The following ABCC12 variants were observed in gnomAD, a reference collection of about 807,000 sequenced individuals.
ABCC12 encodes ATP binding cassette subfamily C member 12.
ABCC12 carries 142 observed loss-of-function variants against 151.1 expected under a neutral mutation model. The observed-to-expected ratio is 0.94, with a 90% CI of 0.82 to 1.08. The LOEUF (loss-of-function observed/expected upper bound fraction) is 1.08. ABCC12 is among the 50% of genes least tolerant of loss of function. The probability of loss-of-function intolerance (pLI) is 0.00; values close to 1 mark genes in which losing one functional copy is unlikely to be tolerated. For synonymous variants in ABCC12, 645 were observed against 646.4 expected, an observed-to-expected ratio of 1.00 and a Z score of 0.03; for missense variants, 1,638 against 1,691.1, an observed-to-expected ratio of 0.97 and a Z score of 0.55.
intron 9 of ABCC12, among the ~76,000 whole-genome samples, chr16:48,131,811 A>C (rs1202806198): frequency 6.6e-6 from 1 of 152,186 alleles, no homozygotes; most frequent in South Asian, 2.1e-4. Flanking sequence ...TAGTCCCTTC[A>C]TTAAAAGGAT....
rs1310571401 is a variant in ABCC12, at chr16:48,085,648, G to A, written c.3773C>T (p.Ser1258Leu). Residue 1258 changes from serine to leucine, a missense_variant, in exon 29 of 31, where the codon TCA becomes TTA. Transcript: ENST00000311303. The stretch of plus-strand genomic sequence containing the variant: ...ACAAAGCAGCTGACGTTCCCCTACT[G>A]AGAAGTTTTCTCCATTTTCTGTGAC... Reference protein sequence around the residue: ...AEVTENGENFSVGERQLLCVA... With the variant: ...AEVTENGENFLVGERQLLCVA... The A allele has an allele frequency of 2.5e-6, 4 of 1,614,152 alleles. No individual in the cohort carries two copies. Among genetic ancestry groups the A allele is most frequent in the South Asian group, 1.1e-5 (1 of 91,076 alleles).
Position 48,083,404 on chromosome 16 carries a change from A to G in ABCC12, c.*311T>C, listed in dbSNP as rs1262114269. On this transcript the variant is annotated 3_prime_UTR_variant, in exon 31 of 31. Transcript: ENST00000311303. Reference sequence around the variant, plus strand: ...CTAACTGAAAGTTACAATATTTTCAATCTCAGGCACTGGGGTGGTTTTGGT... The same window carrying G: ...CTAACTGAAAGTTACAATATTTTCAGTCTCAGGCACTGGGGTGGTTTTGGT... 2 of 310,408 alleles carry G rather than the reference A, an allele frequency of 6.4e-6. No homozygotes were observed. The highest frequency in any genetic ancestry group is 1.2e-5 in the Non-Finnish European group (2 of 172,328). 19.2% of individuals were successfully genotyped at this position (310,408 alleles called of 1,614,324 possible). A position where few individuals can be genotyped will look rare whatever the true frequency, so the allele number is the denominator to read the frequency against.
chr16:48,143,562 A>G (rs760924227), intron 4 of ABCC12, among the ~76,000 whole-genome samples: 8 of 152,194 alleles, frequency 5.3e-5, no homozygotes, highest in Non-Finnish European at 1.0e-4. Context: ...CCCAAATCTC[A>G]TCTTGAATTT....
At chr16:48,145,691 G>A (rs180814908) in intron 3 of ABCC12, among the ~76,000 whole-genome samples, 9 of 152,316 alleles carry the variant, frequency 5.9e-5, no homozygotes, top group Admixed American at 2.0e-4. Context: ...GCCTGGGCTA[G>A]CCTGCTGGAG....
chr16:48,108,073 GAGAC>G, intron 19 of ABCC12, among the ~76,000 whole-genome samples: 1 of 152,154 alleles, frequency 6.6e-6, no homozygotes. Context: ...TTGCTGGAGA[GAGAC>G]AGAGAGTGAA....
intron 2 of ABCC12, among the ~76,000 whole-genome samples, chr16:48,149,374 A>G (rs529415361): frequency 1.3e-5 from 2 of 152,236 alleles, no homozygotes; most frequent in South Asian, 4.1e-4. Context: ...TACATTAAAT[A>G]TAAATGGAGT....
chr16:48,130,722 A>G (rs1337832686), intron 10 of ABCC12, 66 bp downstream of exon 10: 3 of 1,319,302 alleles, frequency 2.3e-6, no homozygotes, highest in African/African-American at 1.4e-5. Context: ...CAGCCTCCAC[A>G]TATCTGAGCA....
rs1964780336 is a variant in ABCC12, at chr16:48,140,813, G to A, written c.531C>T (p.Val177=). 1.9e-6 allele frequency: 3 copies of A among 1,614,176 alleles called. No individual in the cohort carries two copies. The highest frequency in any genetic ancestry group is 1.3e-5 in the African/African-American group (1 of 75,052). ...TGGCCCAGGCAAGGGCCCAAAAGAA[G>A]ACTTTGGTAAACTCGGTGGCAAAAA... is the stretch of plus-strand genomic sequence containing the variant. ...IALFATEFTK[V]FFWALAWAIN... Residue 177 remains valine (V), a synonymous_variant, in exon 6 of 31, where the codon GTC becomes GTT. Transcript: ENST00000311303.
At position 48,091,207 on chromosome 16, in the gene ABCC12, C is replaced by A. The variant is rs777397204; in HGVS notation, c.3198G>T (p.Leu1066=). 6.2e-7 allele frequency: 1 copy of A among 1,614,066 alleles called. No homozygotes were observed. The highest frequency in any genetic ancestry group is 1.1e-5 in the South Asian group (1 of 91,084). The stretch of plus-strand genomic sequence containing the variant: ...GCACACACACTTGGAGCAGTCCGCT[C>A]AGCTGTTGAAAAGGAGCGAGCAGCC... ...KGLSLSYIIQ[L]SGLLQVCVRT... Residue 1066 remains leucine (L), a splice_region_variant and synonymous_variant, in exon 25 of 31, where the codon CTG becomes CTT. Transcript: ENST00000311303.
At chr16:48,132,534 T>G (rs1964462990) in intron 9 of ABCC12, among the ~76,000 whole-genome samples, 1 of 152,214 alleles carries the variant, frequency 6.6e-6, no homozygotes, top group Admixed American at 6.5e-5. Context: ...TCTCTCTCAT[T>G]TTTTTGTTGC....
At chr16:48,094,150 T>TGTTCAA (rs1389585780) in intron 24 of ABCC12, among the ~76,000 whole-genome samples, 1 of 152,236 alleles carries the variant, frequency 6.6e-6, no homozygotes, top group African/African-American at 2.4e-5. Flanking sequence ...TAAGGGAAAC[T>TGTTCAA]GTTCAACATC....
At position 48,081,957 on chromosome 16, in the gene ABCC12, T is replaced by C. The variant is rs966897535; in HGVS notation, c.*1758A>G. ...GCCAGCACAGACTGCCCAGTCTGCTTGTCATATTGGGGAAGTTATCTTATG... is the reference window on the plus strand; with the variant it reads ...GCCAGCACAGACTGCCCAGTCTGCTCGTCATATTGGGGAAGTTATCTTATG... On this transcript the variant is annotated 3_prime_UTR_variant, in exon 31 of 31. Coordinates refer to ENST00000311303, the MANE Select transcript of ABCC12 (RefSeq NM_001393797.1). Among the ~76,000 whole-genome samples, 63 of 152,092 alleles carry C rather than the reference T, an allele frequency of 4.1e-4. No individual in the cohort carries two copies. Among genetic ancestry groups the C allele is most frequent in the Non-Finnish European group, 1.2e-4 (8 of 68,018 alleles).
intron 4 of ABCC12, among the ~76,000 whole-genome samples, chr16:48,141,605 T>A (rs1394414748): frequency 6.6e-6 from 1 of 152,162 alleles, no homozygotes; most frequent in Non-Finnish European, 1.5e-5. Flanking sequence ...TTCCTCTGCC[T>A]ACCACCCATC....
chr16:48,110,624 T>G (rs1232252145), intron 18 of ABCC12, among the ~76,000 whole-genome samples: 1 of 152,012 alleles, frequency 6.6e-6, no homozygotes, highest in Non-Finnish European at 1.5e-5. Context: ...ACATCTCGTC[T>G]CCCCACCTCC....
intron 22 of ABCC12, among the ~76,000 whole-genome samples, chr16:48,103,190 T>C (rs948138048): frequency 6.6e-6 from 1 of 152,106 alleles, no homozygotes; most frequent in Admixed American, 6.6e-5. Context: ...CTCTTTCAGA[T>C]CTACAATAAC....
In ABCC12 at chr16:48,133,766, GC is replaced by G; in HGVS notation, c.1048del (p.Ala350ProfsTer7). ...GFVQSGNSALAPIVSTIAIVL... is the reference protein window; with the variant it reads ...GFVQSGNSALXPIVSTIAIVL... Reference sequence around the variant, plus strand: ...GATGGCTATGGTGGACACGATGGGGGCCAGGGCAGAGTTTCCACTTTGGACA... The same window carrying G: ...GATGGCTATGGTGGACACGATGGGGGCAGGGCAGAGTTTCCACTTTGGACA... On this transcript the variant is annotated frameshift_variant, in exon 9 of 31. Coordinates refer to ENST00000311303, the MANE Select transcript of ABCC12 (RefSeq NM_001393797.1). LOFTEE classifies it high-confidence loss of function. 1 of 1,614,140 alleles carries G rather than the reference GC, an allele frequency of 6.2e-7. No individual in the cohort carries two copies. The highest frequency in any genetic ancestry group is 1.1e-5 in the South Asian group (1 of 91,076).
intron 28 of ABCC12, chr16:48,086,382 C>G (rs535723341): frequency 2.1e-4 from 45 of 214,846 alleles, no homozygotes; most frequent in African/African-American, 1.0e-3. Context: ...TGCTCTACAG[C>G]CAGACAGGCT....
intron 24 of ABCC12, among the ~76,000 whole-genome samples, chr16:48,096,396 T>C (rs1382274593): frequency 6.6e-6 from 1 of 152,228 alleles, no homozygotes; most frequent in Non-Finnish European, 1.5e-5. Context: ...CCTCCATGGC[T>C]GGGGCAGGAA....
chr16:48,130,569 G>A lies in ABCC12; in HGVS notation c.1236+219C>T, dbSNP rs569904336. ...ATCAGGAACATCTTCTTCATGTACA[G>A]AGATTATCTCGTCATTCCTACAGAC... On this transcript the variant is annotated intron_variant, in intron 10 of 30. Coordinates refer to ENST00000311303, the MANE Select transcript of ABCC12 (RefSeq NM_001393797.1). Among the ~76,000 whole-genome samples the A allele has an allele frequency of 2.6e-5, 4 of 152,308 alleles. No homozygotes were observed. In the South Asian group the frequency reaches 8.3e-4, roughly 32 times the overall value.
Sources: allele counts gnomAD v4.1 joint callset (sites outside exome capture counted in the v4.1 genomes callset), GRCh38; gene constraint gnomAD v4.1.1; transcripts MANE v1.5; gene names NCBI Gene and HGNC (gene_info 2026-07-23, HGNC 2026-07-21).